The following CD226 variants were observed in gnomAD, a reference collection of about 807,000 sequenced individuals.
CD226 encodes CD226 molecule, also known as CD226 antigen.
CD226 carries 24 observed loss-of-function variants against 34.9 expected under a neutral mutation model. The observed-to-expected ratio is 0.69, with a 90% CI of 0.50 to 0.97. CD226 has a LOEUF of 0.97. Ranked by LOEUF, CD226 falls within the 50% of genes least tolerant of loss-of-function variation. The probability of loss-of-function intolerance (pLI) is 0.00; values close to 1 mark genes in which losing one functional copy is unlikely to be tolerated. For missense variants in CD226, 397 were observed against 412.7 expected, an observed-to-expected ratio of 0.96 and a Z score of 0.33; for synonymous variants, 148 against 147.4, an observed-to-expected ratio of 1.00 and a Z score of -0.03.
chr18:69,874,210 G>T (rs1459422715), intron 3 of CD226, among the ~76,000 whole-genome samples: 1 of 152,186 alleles, frequency 6.6e-6, no homozygotes, highest in Non-Finnish European at 1.5e-5. Context: ...ACAGAATTGT[G>T]ATGAGACTCT....
chr18:69,907,238 T>C (rs2055265915), intron 2 of CD226, among the ~76,000 whole-genome samples: 1 of 152,216 alleles, frequency 6.6e-6, no homozygotes, highest in East Asian at 1.9e-4. Context: ...GCAAGCACAA[T>C]TGTAGAACTT....
rs192771984 is a variant in CD226 at position 69,857,427 on chromosome 18, T to C, written c.*6887A>G. ...AAAACTTAGTATCACTGAGAGTATA[T>C]TGGAGAGCTCAAAGTCTTACTCAGG... On this transcript the variant is annotated 3_prime_UTR_variant, in exon 6 of 6. Coordinates refer to ENST00000582621, the MANE Select transcript of CD226 (RefSeq NM_001303618.2). 10 of 152,316 alleles carry C rather than the reference T, an allele frequency of 6.6e-5. No individual in the cohort carries two copies. Among genetic ancestry groups the C allele is most frequent in the East Asian group, 1.9e-4 (1 of 5,182 alleles). The allele number at this position is 152,316 out of a possible 1,614,324, so 9.4% of individuals were successfully genotyped here.
At chr18:69,928,694 A>ACG (rs2055553272) in intron 2 of CD226, among the ~76,000 whole-genome samples, 3 of 151,792 alleles carry the variant, frequency 2.0e-5, no homozygotes, top group Admixed American at 2.0e-4. Flanking sequence ...TCTGAAATCT[A>ACG]AAATGCTCCA....
At position 69,914,801 on chromosome 18, in the gene CD226, G is replaced by T. The variant is rs77844304; in HGVS notation, c.383-18756C>A. Among the ~76,000 whole-genome samples, 1,042 of 152,248 alleles carry T rather than the reference G, an allele frequency of 6.8e-3. 9 individuals are homozygous for T. The highest frequency in any genetic ancestry group is 0.024 in the African/African-American group (979 of 41,556). On this transcript the variant is annotated intron_variant, in intron 2 of 5. Coordinates refer to ENST00000582621, the MANE Select transcript of CD226 (RefSeq NM_001303618.2). Reference sequence around the variant, plus strand: ...AGGAAATTGCAAAGGAAAGTCAAAGGAATTAAAATCAATAATGCAATAGGT... The same window carrying T: ...AGGAAATTGCAAAGGAAAGTCAAAGTAATTAAAATCAATAATGCAATAGGT...
rs529086146 is a variant in CD226, at chr18:69,853,967, GAATGGAGTCCAGC to G, written c.*10334_*10346del. 1.5e-3 allele frequency: 236 copies of G among 152,298 alleles called. 1 individual carries two copies. The highest frequency in any genetic ancestry group is 5.4e-3 in the African/African-American group (223 of 41,554). 9.4% of individuals were successfully genotyped at this position (152,298 alleles called of 1,614,324 possible). On this transcript the variant is annotated 3_prime_UTR_variant, in exon 6 of 6. Transcript: ENST00000582621. ...AGCCTAGACGAGAGCAAGTCATATG[GAATGGAGTCCAGC>G]AACAGGAACCCTAGTGCAGTATCAG... is the stretch of plus-strand genomic sequence containing the variant.
chr18:69,949,964 T>C (rs2055835446), upstream of CD226, among the ~76,000 whole-genome samples: 1 of 151,748 alleles, frequency 6.6e-6, no homozygotes, highest in Non-Finnish European at 1.5e-5. Flanking sequence ...ACACATGCTC[T>C]CACACTCACA....
At chr18:69,950,117 CAT>C (rs1216239443), upstream of CD226, among the ~76,000 whole-genome samples, 1 of 151,952 alleles carries the variant, frequency 6.6e-6, no homozygotes, top group Non-Finnish European at 1.5e-5. Context: ...CACATGCTCA[CAT>C]ATGCACACAC....
At position 69,927,181 on chromosome 18, in the gene CD226, T is replaced by A. The variant is rs370605712; in HGVS notation, c.382+19553A>T. 5.3e-5 allele frequency among the ~76,000 whole-genome samples: 8 copies of A among 152,246 alleles called. No individual in the cohort carries two copies. In the East Asian group the frequency reaches 1.4e-3, roughly 26 times the overall value. ...GAGCTGCTTTGCCCCTTCCACCATA[T>A]GAGGACGCAGCAAGAAGGCGCCGTC... On this transcript the variant is annotated intron_variant, in intron 2 of 5. Transcript: ENST00000582621.
At chr18:69,893,885 A>G (rs1261390600) in intron 3 of CD226, among the ~76,000 whole-genome samples, 1 of 152,248 alleles carries the variant, frequency 6.6e-6, no homozygotes, top group Non-Finnish European at 1.5e-5. Context: ...ACAGAGCTAT[A>G]GTGGAAGCTT....
At chr18:69,881,918 C>T (rs1033484517) in intron 3 of CD226, among the ~76,000 whole-genome samples, 1 of 152,150 alleles carries the variant, frequency 6.6e-6, no homozygotes, top group Non-Finnish European at 1.5e-5. Flanking sequence ...CAAAGGTCAA[C>T]TTTCTTTGTC....
At chr18:69,877,698 G>A (rs1471846340) in intron 3 of CD226, among the ~76,000 whole-genome samples, 2 of 152,160 alleles carry the variant, frequency 1.3e-5, no homozygotes, top group Non-Finnish European at 2.9e-5. Context: ...CAAGGACCAT[G>A]TGAATTTTGA....
chr18:69,880,353 A>G (rs60606550), intron 3 of CD226, among the ~76,000 whole-genome samples: 8,913 of 118,328 alleles, frequency 0.075, 353 homozygotes, highest in African/African-American at 0.12. Flanking sequence ...AGAAAGAAAG[A>G]AAGAAAGGAA....
Position 69,947,684 on chromosome 18 carries a change from C to T in CD226, c.-278G>A, listed in dbSNP as rs1377757005. On this transcript the variant is annotated 5_prime_UTR_variant, in exon 1 of 6. The change abolishes an upstream ATG in the 5' untranslated region. Transcript: ENST00000582621. The stretch of plus-strand genomic sequence containing the variant: ...TACAAGGAGTCATTCATTCAACAAA[C>T]ATGTGCTGCATGCATTCTCTGTGCC... 2 of 298,382 alleles carry T rather than the reference C, an allele frequency of 6.7e-6. No individual in the cohort carries two copies. The highest frequency in any genetic ancestry group is 5.1e-5 in the Admixed American group (1 of 19,780). 18.5% of individuals were successfully genotyped at this position (298,382 alleles called of 1,614,324 possible). A position where few individuals can be genotyped will look rare whatever the true frequency, so the allele number is the denominator to read the frequency against.
intron 2 of CD226, among the ~76,000 whole-genome samples, chr18:69,934,279 T>TACATACACACACACACACACACACAC (rs1555684029): frequency 1.4e-5 from 1 of 73,102 alleles, no homozygotes; most frequent in African/African-American, 2.7e-5. Context: ...ACACAGAGGA[T>TACATACACACACACACACACACACAC]ACACACACAC....
intron 2 of CD226, among the ~76,000 whole-genome samples, chr18:69,921,876 T>C (rs1240700560): frequency 6.6e-6 from 1 of 152,196 alleles, no homozygotes. Flanking sequence ...TTTTATGGGT[T>C]TTTTTAATTT....
At chr18:69,907,701 G>A (rs921667801) in intron 2 of CD226, among the ~76,000 whole-genome samples, 4 of 152,158 alleles carry the variant, frequency 2.6e-5, no homozygotes, top group African/African-American at 9.7e-5. Flanking sequence ...GCTGGGGATT[G>A]GGAGAATGAG....
chr18:69,942,628 A>G (rs368945673), intron 2 of CD226, among the ~76,000 whole-genome samples: 1 of 152,168 alleles, frequency 6.6e-6, no homozygotes, highest in East Asian at 1.9e-4. Flanking sequence ...CTGAAACTCT[A>G]AAGTATCATA....
intron 2 of CD226, among the ~76,000 whole-genome samples, chr18:69,909,947 G>C (rs979275875): frequency 4.6e-5 from 7 of 152,176 alleles, no homozygotes; most frequent in Non-Finnish European, 7.3e-5. Context: ...CAGTCTATCA[G>C]TATTGGAAAT....
chr18:69,926,227 C>T (rs2055519749), intron 2 of CD226, among the ~76,000 whole-genome samples: 1 of 151,988 alleles, frequency 6.6e-6, no homozygotes, highest in South Asian at 2.1e-4. Flanking sequence ...CCACCTCATA[C>T]ATTATGTTTC....
Sources: gnomAD v4.1 joint callset for allele counts (sites outside exome capture counted in the v4.1 genomes callset) on GRCh38, gnomAD v4.1.1 for gene constraint, MANE v1.5 for transcripts, NCBI Gene and HGNC (gene_info 2026-07-23, HGNC 2026-07-21) for gene names.